The following PTPRD variants were observed in gnomAD, a reference collection of about 807,000 sequenced individuals.
PTPRD encodes the protein receptor-type tyrosine-protein phosphatase delta.
Under a neutral mutation model 214.5 loss-of-function variants are expected in PTPRD, and 34 were observed. The observed-to-expected ratio is 0.16, with a 90% CI of 0.12 to 0.21. The LOEUF is 0.21. Ranked by LOEUF, PTPRD falls within the 10% of genes least tolerant of loss-of-function variation. PTPRD has a pLI of 1.00. For missense variants in PTPRD, 2,545 were observed against 2,398.7 expected, an observed-to-expected ratio of 1.06 and a Z score of -1.27; for synonymous variants, 1,128 against 845.7, an observed-to-expected ratio of 1.33 and a Z score of -5.79.
intron 8 of PTPRD, among the ~76,000 whole-genome samples, chr9:9,516,037 G>A (rs914783491): frequency 6.6e-6 from 1 of 152,090 alleles, no homozygotes; most frequent in African/African-American, 2.4e-5. Flanking sequence ...GCATTCAACT[G>A]TTGCTCAACA....
intron 3 of PTPRD, among the ~76,000 whole-genome samples, chr9:10,050,649 C>G (rs79644053): frequency 0.01 from 1,258 of 124,512 alleles, 19 homozygotes; most frequent in African/African-American, 0.035. Flanking sequence ...ACTAACAAAA[C>G]TTAAGGAAAT....
chr9:9,664,047 C>T (rs994256683), intron 7 of PTPRD, among the ~76,000 whole-genome samples: 17 of 141,034 alleles, frequency 1.2e-4, no homozygotes, highest in South Asian at 8.7e-4. Flanking sequence ...TTTAAATAGA[C>T]TGTATCAATA....
At chr9:9,982,090 G>A (rs1279555565) in intron 4 of PTPRD, among the ~76,000 whole-genome samples, 1 of 152,136 alleles carries the variant, frequency 6.6e-6, no homozygotes, top group African/African-American at 2.4e-5. Flanking sequence ...CCTCTCCTTG[G>A]TGGACAGCTT....
At chr9:8,638,391 G>A (rs1041440179) in intron 12 of PTPRD, among the ~76,000 whole-genome samples, 2 of 151,880 alleles carry the variant, frequency 1.3e-5, no homozygotes, top group Non-Finnish European at 2.9e-5. Context: ...CAAGGAAGCC[G>A]GATTCCTATC....
intron 25 of PTPRD, among the ~76,000 whole-genome samples, chr9:8,497,879 A>G (rs2097310719): frequency 6.6e-6 from 1 of 152,252 alleles, no homozygotes; most frequent in African/African-American, 2.4e-5. Flanking sequence ...CAGTTCTGTA[A>G]TGTAAAATAT....
intron 2 of PTPRD, among the ~76,000 whole-genome samples, chr9:10,388,809 A>C (rs902974384): frequency 2.0e-5 from 3 of 151,816 alleles, no homozygotes; most frequent in Non-Finnish European, 4.4e-5. Flanking sequence ...AAGTGTGAGG[A>C]ATAGAGGTAG....
At chr9:9,852,542 T>C (rs1423616126) in intron 5 of PTPRD, among the ~76,000 whole-genome samples, 2 of 152,130 alleles carry the variant, frequency 1.3e-5, no homozygotes, top group Non-Finnish European at 1.5e-5. Context: ...TCTAGAGTTA[T>C]ATAGAAATAT....
chr9:9,558,691 T>A (rs934807134), intron 8 of PTPRD, among the ~76,000 whole-genome samples: 1 of 152,154 alleles, frequency 6.6e-6, no homozygotes, highest in African/African-American at 2.4e-5. Flanking sequence ...CTGCCCTGAG[T>A]TTAGCTTATT....
intron 11 of PTPRD, among the ~76,000 whole-genome samples, chr9:8,960,011 G>A (rs7037483): frequency 0.13 from 19,986 of 151,872 alleles, 1,545 homozygotes; most frequent in East Asian, 0.34. Context: ...CAAGTATAAC[G>A]GTTGATTTTA....
intron 7 of PTPRD, among the ~76,000 whole-genome samples, chr9:9,641,686 A>G (rs1313380910): frequency 1.3e-5 from 2 of 152,220 alleles, no homozygotes; most frequent in Admixed American, 6.5e-5. Context: ...GACAAAAATA[A>G]CAAAGGAATT....
intron 5 of PTPRD, among the ~76,000 whole-genome samples, chr9:9,881,992 A>T (rs1231782932): frequency 1.3e-5 from 2 of 151,986 alleles, no homozygotes; most frequent in Admixed American, 1.3e-4. Flanking sequence ...GCTTTTCTCA[A>T]TTTCCACCAT....
chr9:8,653,167 T>C (rs1006072390), intron 12 of PTPRD, among the ~76,000 whole-genome samples: 9 of 152,124 alleles, frequency 5.9e-5, no homozygotes, highest in Non-Finnish European at 1.0e-4. Context: ...GGGCTGTTGT[T>C]TCAGAGGGAA....
chr9:9,629,431 G>C (rs2095522236), intron 7 of PTPRD, among the ~76,000 whole-genome samples: 1 of 151,892 alleles, frequency 6.6e-6, no homozygotes. Flanking sequence ...TTCTTCCATA[G>C]GCCAGAAAAC....
At chr9:10,130,171 C>CTT (rs1483946579) in intron 3 of PTPRD, among the ~76,000 whole-genome samples, 1 of 92,964 alleles carries the variant, frequency 1.1e-5, no homozygotes, top group South Asian at 4.8e-4. Context: ...TGACTCAAAT[C>CTT]TATTTTTTTT....
chr9:10,016,539 T>C (rs1326119580), intron 4 of PTPRD, among the ~76,000 whole-genome samples: 1 of 152,152 alleles, frequency 6.6e-6, no homozygotes, highest in Admixed American at 6.5e-5. Context: ...CATGTCTCTA[T>C]AGGGTACTTA....
At chr9:10,137,405 C>T (rs1162178538) in intron 3 of PTPRD, among the ~76,000 whole-genome samples, 2 of 12,828 alleles carry the variant, frequency 1.6e-4, no homozygotes, top group Non-Finnish European at 2.7e-4. Context: ...TTTGTAGGGA[C>T]ATGGATGAAA....
At chr9:9,311,941 A>G (rs1195041522) in intron 9 of PTPRD, among the ~76,000 whole-genome samples, 2 of 152,196 alleles carry the variant, frequency 1.3e-5, no homozygotes, top group African/African-American at 2.4e-5. Flanking sequence ...AGTGTCAATA[A>G]TAGGTTTTAA....
intron 2 of PTPRD, among the ~76,000 whole-genome samples, chr9:10,605,494 G>C (rs974205014): frequency 2.0e-5 from 3 of 151,760 alleles, no homozygotes; most frequent in Non-Finnish European, 4.4e-5. Context: ...ATTAGCACTG[G>C]AGTGAGAAGA....
intron 5 of PTPRD, among the ~76,000 whole-genome samples, chr9:9,904,764 T>A (rs992384007): frequency 3.9e-5 from 6 of 152,038 alleles, no homozygotes; most frequent in African/African-American, 1.4e-4. Flanking sequence ...TAATGACACA[T>A]GCAAATTTAT....
Sources: gnomAD v4.1 joint callset for allele counts (sites outside exome capture counted in the v4.1 genomes callset) on GRCh38, gnomAD v4.1.1 for gene constraint, MANE v1.5 for transcripts, NCBI Gene and HGNC (gene_info 2026-07-23, HGNC 2026-07-21) for gene names.